KIAA1549L: variants seen among roughly 807,000 people sequenced by gnomAD.
KIAA1549L encodes KIAA1549 like, also known as UPF0606 protein KIAA1549L.
In KIAA1549L, 88 loss-of-function variants were observed where a neutral mutation model predicts 160.7. That is an observed-to-expected ratio of 0.55 (90% CI 0.46 to 0.65). KIAA1549L has a LOEUF of 0.65. Among genes scored for constraint, KIAA1549L ranks in the 30% least tolerant of loss-of-function variants. The pLI is 0.00. For synonymous variants in KIAA1549L, 950 were observed against 976.7 expected (o/e 0.97, Z 0.51); for missense variants, 2,258 against 2,437.5 (o/e 0.93, Z 1.55).
At position 33,593,092 on chromosome 11, in the gene KIAA1549L, G is replaced by C. The variant is rs146004082; in HGVS notation, c.4751+1671G>C. On this transcript the variant is annotated intron_variant, in intron 12 of 20. Coordinates refer to ENST00000658780, the MANE Select transcript of KIAA1549L (RefSeq NM_012194.3). ...GTGAATAAAGATCAGATGTCATTGG[G>C]GGGTTTTGAGAAAAGCAATGACATG... is the stretch of plus-strand genomic sequence containing the variant. Among the ~76,000 whole-genome samples, 39 of 152,226 alleles carry C rather than the reference G, an allele frequency of 2.6e-4. No homozygotes were observed. In the East Asian group the frequency reaches 4.8e-3, roughly 19 times the overall value.
At chr11:33,500,987 A>G (rs1228963872) in intron 1 of KIAA1549L, among the ~76,000 whole-genome samples, 1 of 152,030 alleles carries the variant, frequency 6.6e-6, no homozygotes, top group Non-Finnish European at 1.5e-5. Context: ...TAGTAAGTAG[A>G]GACAAATTTC....
At chr11:33,535,465 G>A (rs974036470) in intron 1 of KIAA1549L, among the ~76,000 whole-genome samples, 2 of 152,072 alleles carry the variant, frequency 1.3e-5, no homozygotes, top group Non-Finnish European at 2.9e-5. Flanking sequence ...TTGAGCCCAG[G>A]AGTTCAAGAG....
At chr11:33,475,290 C>G (rs1852260775) in intron 1 of KIAA1549L, among the ~76,000 whole-genome samples, 1 of 152,078 alleles carries the variant, frequency 6.6e-6, no homozygotes, top group African/African-American at 2.4e-5. Flanking sequence ...TAGCCTTGTT[C>G]TAGAAAAGAA....
In KIAA1549L at chr11:33,630,135, G is replaced by A. The variant is rs540011576; in HGVS notation, c.5409+11473G>A. On this transcript the variant is annotated intron_variant, in intron 16 of 20. Transcript: ENST00000658780. ...ACCCACTTGAGGAGGCAGTCTGCCC[G>A]TTCTCAGATCTCCAGCTGCATGCTG... is the stretch of plus-strand genomic sequence containing the variant. 7.9e-5 allele frequency among the ~76,000 whole-genome samples: 12 copies of A among 151,926 alleles called. 1 individual carries two copies. Among genetic ancestry groups the A allele is most frequent in the African/African-American group, 1.9e-4 (8 of 41,172 alleles).
chr11:33,382,918 C>G (rs1007602861), intron 1 of KIAA1549L, among the ~76,000 whole-genome samples: 2 of 151,030 alleles, frequency 1.3e-5, no homozygotes, highest in Non-Finnish European at 2.9e-5. Flanking sequence ...AGAAGGGGGA[C>G]AAGCAAGAGA....
intron 1 of KIAA1549L, among the ~76,000 whole-genome samples, chr11:33,510,856 A>G (rs1382873157): frequency 6.6e-6 from 1 of 152,242 alleles, no homozygotes; most frequent in Non-Finnish European, 1.5e-5. Flanking sequence ...TGACAGCCAG[A>G]TGTGAAGCCA....
At chr11:33,608,339 G>A (rs1013782976) in intron 14 of KIAA1549L, among the ~76,000 whole-genome samples, 2 of 152,210 alleles carry the variant, frequency 1.3e-5, no homozygotes, top group African/African-American at 2.4e-5. Flanking sequence ...TATTACTGTT[G>A]TTGTTATCAC....
chr11:33,451,654 G>C (rs773227835), intron 1 of KIAA1549L, among the ~76,000 whole-genome samples: 22 of 152,342 alleles, frequency 1.4e-4, no homozygotes, highest in Admixed American at 2.0e-4. Flanking sequence ...TGTCTCACTT[G>C]TGACAACTCC....
chr11:33,604,086 T>C (rs985296778), intron 13 of KIAA1549L, among the ~76,000 whole-genome samples: 25 of 152,190 alleles, frequency 1.6e-4, no homozygotes, highest in Non-Finnish European at 2.4e-4. Flanking sequence ...GGTGGAAGGT[T>C]GTTTAGAAGG....
intron 1 of KIAA1549L, among the ~76,000 whole-genome samples, chr11:33,422,589 C>T (rs1345061274): frequency 7.3e-6 from 1 of 137,450 alleles, no homozygotes; most frequent in Non-Finnish European, 1.6e-5. Flanking sequence ...CCTTCCTTCC[C>T]TCCTTTCTTT....
chr11:33,502,362 C>T (rs568888574), intron 1 of KIAA1549L, among the ~76,000 whole-genome samples: 23 of 152,094 alleles, frequency 1.5e-4, no homozygotes, highest in Non-Finnish European at 2.2e-4. Context: ...AGTATTGCAC[C>T]GAAAGCTTTT....
At chr11:33,635,181 A>G (rs1392994587) in intron 16 of KIAA1549L, among the ~76,000 whole-genome samples, 1 of 152,134 alleles carries the variant, frequency 6.6e-6, no homozygotes, top group Admixed American at 6.5e-5. Context: ...CAACTTTCTA[A>G]ATATGTCTCT....
chr11:33,618,969 T>C (rs1474782), intron 16 of KIAA1549L, among the ~76,000 whole-genome samples: 111,869 of 152,052 alleles, frequency 0.74, 42,073 homozygotes, highest in African/African-American at 0.91. Context: ...TCCTTAGAAA[T>C]TCAGCAGGGA....
chr11:33,611,552 G>A (rs1850649723), intron 15 of KIAA1549L, among the ~76,000 whole-genome samples: 1 of 152,152 alleles, frequency 6.6e-6, no homozygotes, highest in South Asian at 2.1e-4. Context: ...CCATGACAGG[G>A]TTCACAATGC....
intron 1 of KIAA1549L, among the ~76,000 whole-genome samples, chr11:33,517,959 G>T (rs1186664526): frequency 6.6e-6 from 1 of 151,830 alleles, no homozygotes; most frequent in Non-Finnish European, 1.5e-5. Context: ...GGCCAAGATG[G>T]TGAAACCCCA....
intron 1 of KIAA1549L, among the ~76,000 whole-genome samples, chr11:33,398,862 T>C (rs1446250070): frequency 6.6e-6 from 1 of 152,224 alleles, no homozygotes; most frequent in Non-Finnish European, 1.5e-5. Context: ...GTTTCGTATA[T>C]AGTCTTAGTT....
At chr11:33,606,564 T>G in intron 13 of KIAA1549L, 77 bp from the exon 14 acceptor site, 7 of 1,422,760 alleles carry the variant, frequency 4.9e-6, no homozygotes, top group East Asian at 2.3e-5. Context: ...CCTTAGGCTG[T>G]GAGTCTAACA....
At position 33,402,569 on chromosome 11, in the gene KIAA1549L, G is replaced by A. The variant is rs190008721; in HGVS notation, c.238+25680G>A. On this transcript the variant is annotated intron_variant, in intron 1 of 20. Coordinates refer to ENST00000658780, the MANE Select transcript of KIAA1549L (RefSeq NM_012194.3). ...AAATCTGTGTCCATCTCACAGATCT[G>A]TATTCTTTCCTTACAGTGTTAGCCT... Among the ~76,000 whole-genome samples the A allele has an allele frequency of 8.6e-3, 1,313 of 152,266 alleles. 76 individuals are homozygous for A. The highest frequency in any genetic ancestry group is 0.079 in the Admixed American group (1,210 of 15,300).
intron 10 of KIAA1549L, among the ~76,000 whole-genome samples, chr11:33,581,235 C>T (rs537192759): frequency 6.6e-6 from 1 of 152,232 alleles, no homozygotes; most frequent in Non-Finnish European, 1.5e-5. Flanking sequence ...CATCCAGTCA[C>T]CCCAGTTATG....
Sources: allele counts gnomAD v4.1 joint callset (sites outside exome capture counted in the v4.1 genomes callset), GRCh38; gene constraint gnomAD v4.1.1; transcripts MANE v1.5; gene names NCBI Gene and HGNC (gene_info 2026-07-23, HGNC 2026-07-21).